The following HIVEP1 variants were observed in gnomAD, a reference collection of about 807,000 sequenced individuals.
HIVEP1 encodes the protein HIVEP zinc finger 1.
A neutral mutation model predicts 180.0 loss-of-function variants in HIVEP1; 36 were observed. The observed-to-expected ratio is 0.20, with a 90% CI of 0.15 to 0.26. The LOEUF (loss-of-function observed/expected upper bound fraction) is 0.26, where lower values mean the gene tolerates loss of function less well. HIVEP1 is among the 10% of genes least tolerant of loss of function. HIVEP1 has a pLI of 1.00. For synonymous variants in HIVEP1, 1,239 were observed against 1,239.0 expected (o/e 1.00, Z 0.00); for missense variants, 3,143 against 3,268.7 (o/e 0.96, Z 0.94).
the HIVEP1 span, among the ~76,000 whole-genome samples, chr6:12,189,060 A>C: frequency 6.6e-6 from 1 of 152,038 alleles, no homozygotes; most frequent in African/African-American, 2.4e-5. Context: ...ATAATATTTG[A>C]ATTTCACATC....
chr6:12,141,554 A>G (rs1472763224), intron 7 of HIVEP1, among the ~76,000 whole-genome samples: 1 of 152,064 alleles, frequency 6.6e-6, no homozygotes, highest in Non-Finnish European at 1.5e-5. Flanking sequence ...AAATGCCTCA[A>G]TTAAAAGACA....
At chr6:12,097,838 C>T (rs1561936298) in intron 3 of HIVEP1, among the ~76,000 whole-genome samples, 1 of 152,116 alleles carries the variant, frequency 6.6e-6, no homozygotes, top group Non-Finnish European at 1.5e-5. Context: ...CTTCAAATAT[C>T]TGTCCTCACT....
At chr6:12,109,932 C>T (rs941744011) in intron 3 of HIVEP1, among the ~76,000 whole-genome samples, 1 of 152,350 alleles carries the variant, frequency 6.6e-6, no homozygotes. Context: ...AAAAATTACT[C>T]CTTGATCCGT....
At position 12,120,960 on chromosome 6, in the gene HIVEP1, C is replaced by G; in HGVS notation, c.1165C>G (p.Gln389Glu). 6.2e-7 allele frequency: 1 copy of G among 1,614,050 alleles called. No individual in the cohort carries two copies. The highest frequency in any genetic ancestry group is 8.5e-7 in the Non-Finnish European group (1 of 1,179,960). Residue 389 changes from glutamine (Q) to glutamate (E), a missense_variant, in exon 4 of 9, where the codon CAA becomes GAA. By Grantham distance (29) the Gln-to-Glu change is conservative. Coordinates refer to ENST00000379388, the MANE Select transcript of HIVEP1 (RefSeq NM_002114.4). ...VASVVNQSVE[Q>E]MCNLLLKDQK... ...CTCTGTTGTTAATCAAAGCGTAGAG[C>G]AAATGTGCAATCTTCTTCTGAAAGA...
In HIVEP1 at chr6:12,121,509, C is replaced by G; in HGVS notation, c.1714C>G (p.Pro572Ala). The change falls in exon 4 of 9, where the codon CCC (proline) becomes GCC (alanine). Residue 572 changes from proline (P) to alanine (A), a missense_variant. Physicochemically the swap from Pro to Ala is conservative, Grantham distance 27. This residue lies in a region of HIVEP1 where 365 missense variants were observed against 344.4 expected (regional missense o/e 1.06). Transcript: ENST00000379388. The surrounding 1 kb of genome is among the most constrained non-coding windows in gnomAD (Gnocchi z 5.3). ...TGTGGTCCACCATGTCACTGTGTCC[C>G]CCTTAAGAACTGACAGTCCAAAGGC... ...KVVVHHVTVS[P>A]LRTDSPKAMD... 2.5e-6 allele frequency: 4 copies of G among 1,614,132 alleles called. No individual in the cohort carries two copies. In the South Asian group the frequency reaches 4.4e-5, roughly 18 times the overall value.
At chr6:12,092,673 A>G (rs79401384) in intron 3 of HIVEP1, among the ~76,000 whole-genome samples, 2,379 of 152,260 alleles carry the variant, frequency 0.016, 25 homozygotes, top group Non-Finnish European at 0.023. Context: ...TATCAAGTAC[A>G]TGGTATGTTT....
chr6:12,095,965 G>A (rs1331874374), intron 3 of HIVEP1, among the ~76,000 whole-genome samples: 2 of 151,940 alleles, frequency 1.3e-5, no homozygotes, highest in Non-Finnish European at 2.9e-5. Context: ...GAAATGTTAC[G>A]ATGATCCAGG....
intron 8 of HIVEP1, among the ~76,000 whole-genome samples, chr6:12,162,522 C>CACG (rs1241288681): frequency 6.6e-6 from 1 of 152,236 alleles, no homozygotes; most frequent in African/African-American, 2.4e-5. Flanking sequence ...TCTGAAAAGT[C>CACG]ACGCTCCATG....
intron 1 of HIVEP1, 134 bp downstream of exon 1, chr6:12,012,700 G>C (rs1288374163): frequency 1.3e-5 from 2 of 152,052 alleles, no homozygotes; most frequent in Non-Finnish European, 2.9e-5. Flanking sequence ...GTGTGCGTGT[G>C]TGTGCAACCG....
At chr6:12,115,671 C>G (rs1473066060) in intron 3 of HIVEP1, among the ~76,000 whole-genome samples, 1 of 152,100 alleles carries the variant, frequency 6.6e-6, no homozygotes, top group South Asian at 2.1e-4. Context: ...TTTCTCTTCC[C>G]TTCCCAATCT....
intron 5 of HIVEP1, 99 bp downstream of exon 5, chr6:12,129,991 G>A (rs1057114278): frequency 6.6e-6 from 5 of 755,474 alleles, no homozygotes; most frequent in Non-Finnish European, 6.7e-6. Flanking sequence ...ATTTAGTATC[G>A]ATGTTGCAAG....
At chr6:12,205,419 C>A in the HIVEP1 span, among the ~76,000 whole-genome samples, 6 of 151,504 alleles carry the variant, frequency 4.0e-5, no homozygotes, top group East Asian at 2.0e-4. Context: ...TGCAGTGAGC[C>A]GAGATTGCGC....
In HIVEP1 at chr6:12,121,615, A is replaced by C; in HGVS notation, c.1820A>C (p.Asn607Thr). ...QVTNVQPLSA[N>T]MSQGGVSRLE... ...ACAAACGTACAGCCACTTTCAGCCA[A>C]CATGTCCCAGGGTGGAGTCTCCAGG... Residue 607 changes from asparagine (N) to threonine (T), a missense_variant, in exon 4 of 9, where the codon AAC becomes ACC. Asn to Thr is a moderately conservative substitution (Grantham distance 65). Around this residue, in one of 12 missense-constraint regions of HIVEP1, gnomAD observed 365 missense variants for 344.4 expected, o/e 1.06. Coordinates refer to ENST00000379388, the MANE Select transcript of HIVEP1 (RefSeq NM_002114.4). The surrounding 1 kb of genome is among the most constrained non-coding windows in gnomAD (Gnocchi z 5.3). 6.2e-7 allele frequency: 1 copy of C among 1,614,150 alleles called. No homozygotes were observed. Among genetic ancestry groups the C allele is most frequent in the Non-Finnish European group, 8.5e-7 (1 of 1,180,014 alleles).
intron 2 of HIVEP1, among the ~76,000 whole-genome samples, chr6:12,061,889 A>G (rs1771261484): frequency 6.6e-6 from 1 of 152,208 alleles, no homozygotes; most frequent in Admixed American, 6.5e-5. Context: ...CCTATGATGT[A>G]TTAAATTTAC....
intron 7 of HIVEP1, among the ~76,000 whole-genome samples, chr6:12,138,912 C>A (rs538396178): frequency 6.6e-6 from 1 of 151,810 alleles, no homozygotes; most frequent in African/African-American, 2.4e-5. Flanking sequence ...CGTGTTGCCT[C>A]TAATCTACCA....
At chr6:12,194,701 C>T in the HIVEP1 span, among the ~76,000 whole-genome samples, 2 of 152,160 alleles carry the variant, frequency 1.3e-5, no homozygotes, top group African/African-American at 2.4e-5. Context: ...ACTTGGGAGG[C>T]TGAGGTGGGA....
chr6:12,168,678 C>G (rs1760825952), downstream of HIVEP1, among the ~76,000 whole-genome samples: 9 of 151,712 alleles, frequency 5.9e-5, no homozygotes, highest in Admixed American at 5.9e-4. Flanking sequence ...CAGCAGGAGC[C>G]AAAGCTCCCA....
intron 3 of HIVEP1, among the ~76,000 whole-genome samples, chr6:12,097,122 A>T (rs1048953810): frequency 3.9e-5 from 6 of 151,958 alleles, no homozygotes; most frequent in Non-Finnish European, 7.4e-5. Context: ...TAACTAGTTT[A>T]TTTTTTAACC....
the HIVEP1 span, among the ~76,000 whole-genome samples, chr6:12,180,908 T>A: frequency 3.9e-5 from 6 of 152,358 alleles, no homozygotes; most frequent in Non-Finnish European, 8.8e-5. Flanking sequence ...AAACAACATG[T>A]GATTTCATTA....
Sources: gnomAD v4.1 joint callset for allele counts (sites outside exome capture counted in the v4.1 genomes callset) on GRCh38, gnomAD v4.1.1 for gene constraint, gnomAD v4.1.1 regional missense constraint, Gnocchi (gnomAD v3.1) non-coding constraint, MANE v1.5 for transcripts, NCBI Gene and HGNC (gene_info 2026-07-23, HGNC 2026-07-21) for gene names.